The following CUX2 variants were observed in gnomAD, a reference collection of about 807,000 sequenced individuals.
CUX2 encodes cut like homeobox 2.
CUX2 carries 40 observed loss-of-function variants against 144.8 expected under a neutral mutation model. The ratio of observed to expected loss-of-function variants is 0.28; its 90% CI spans 0.21 to 0.36. The LOEUF is 0.36. Ranked by LOEUF, CUX2 falls within the 10% of genes least tolerant of loss-of-function variation. The pLI is 1.00. For missense variants in CUX2, 1,615 were observed against 1,994.0 expected (o/e 0.81, Z 3.62); for synonymous variants, 827 against 875.6 (o/e 0.94, Z 0.98).
At position 111,322,155 on chromosome 12, in the gene CUX2, T is replaced by C. The variant is rs778429466; in HGVS notation, c.2767-266T>C. Among the ~76,000 whole-genome samples, 16 of 151,644 alleles carry C rather than the reference T, an allele frequency of 1.1e-4. No homozygotes were observed. Among genetic ancestry groups the C allele is most frequent in the Non-Finnish European group, 2.2e-4 (15 of 67,874 alleles). The stretch of plus-strand genomic sequence containing the variant: ...CAATGTGGCAAAACCCCATCTCTAC[T>C]AAAAATACAAAAATTAGCCAGACGT... On this transcript the variant is annotated intron_variant, in intron 17 of 21. Transcript: ENST00000261726. The surrounding 1 kb of genome is among the most constrained non-coding windows in gnomAD (Gnocchi z 4.2).
chr12:111,340,848 T>C (rs1348252716), intron 20 of CUX2, among the ~76,000 whole-genome samples: 1 of 152,306 alleles, frequency 6.6e-6, no homozygotes, highest in East Asian at 1.9e-4. Context: ...CTTCCTTTGT[T>C]CTCCTCTGCC....
intron 4 of CUX2, among the ~76,000 whole-genome samples, chr12:111,280,589 G>A (rs186216611): frequency 6.6e-6 from 1 of 152,288 alleles, no homozygotes; most frequent in African/African-American, 2.4e-5. Flanking sequence ...GAATCCAGAA[G>A]CCCCACATCA....
chr12:111,238,695 T>G (rs776500029), intron 3 of CUX2, among the ~76,000 whole-genome samples: 19 of 151,604 alleles, frequency 1.3e-4, no homozygotes, highest in Non-Finnish European at 2.4e-4. Flanking sequence ...CTAGTTTTTA[T>G]GTATATATAA....
chr12:111,112,538 G>C (rs1012366410), intron 1 of CUX2, among the ~76,000 whole-genome samples: 8 of 152,064 alleles, frequency 5.3e-5, no homozygotes, highest in Non-Finnish European at 1.0e-4. Flanking sequence ...GGAAGGAATT[G>C]CTTCATCATG....
chr12:111,228,350 G>T (rs1048680348), intron 3 of CUX2, among the ~76,000 whole-genome samples: 2 of 152,090 alleles, frequency 1.3e-5, no homozygotes, highest in African/African-American at 4.8e-5. Context: ...AACCATGCAA[G>T]TCCCCCTGCA....
intron 4 of CUX2, among the ~76,000 whole-genome samples, chr12:111,267,490 G>A (rs957803326): frequency 1.3e-5 from 2 of 152,156 alleles, no homozygotes; most frequent in Non-Finnish European, 2.9e-5. Flanking sequence ...GATGTGACTC[G>A]GGTCTCATCA....
chr12:111,142,864 A>T (rs1876419213), intron 1 of CUX2, among the ~76,000 whole-genome samples: 1 of 152,150 alleles, frequency 6.6e-6, no homozygotes, highest in Non-Finnish European at 1.5e-5. Context: ...GGGGAGGCAG[A>T]GAGAGCCCAG....
At position 111,263,747 on chromosome 12, in the gene CUX2, T is replaced by G. The variant is rs754779540; in HGVS notation, c.223-14T>G. 1 of 1,609,984 alleles carries G rather than the reference T, an allele frequency of 6.2e-7. No individual in the cohort carries two copies. The highest frequency in any genetic ancestry group is 8.5e-7 in the Non-Finnish European group (1 of 1,176,318). ...CATGGTTACACGTGACTCTTTCTCT[T>G]GTTGTCTCCAAAGGTGGTGGCCCTT... On this transcript the variant is annotated splice_polypyrimidine_tract_variant and intron_variant, in intron 3 of 21. Transcript: ENST00000261726. This position sits in a 1 kb window ranked among gnomAD's most constrained non-coding sequence, Gnocchi z 4.0.
At chr12:111,343,769 A>T (rs909223522) in intron 21 of CUX2, among the ~76,000 whole-genome samples, 2 of 152,326 alleles carry the variant, frequency 1.3e-5, no homozygotes. Context: ...ACATTATAAA[A>T]TATGGTTTTG....
intron 16 of CUX2, among the ~76,000 whole-genome samples, chr12:111,318,687 AT>A (rs201895477): frequency 1.3e-5 from 2 of 149,450 alleles, no homozygotes; most frequent in Non-Finnish European, 3.0e-5. Context: ...TCATCCCACT[AT>A]TTTTTTTTCT....
At chr12:111,179,513 A>ATGGTGG (rs903831500) in intron 1 of CUX2, among the ~76,000 whole-genome samples, 6 of 152,140 alleles carry the variant, frequency 3.9e-5, no homozygotes, top group Non-Finnish European at 5.9e-5. Context: ...ATCCTACTTC[A>ATGGTGG]TGGTGGTGTT....
At chr12:111,074,431 T>G (rs1871409218) in intron 1 of CUX2, among the ~76,000 whole-genome samples, 2 of 152,172 alleles carry the variant, frequency 1.3e-5, no homozygotes, top group South Asian at 4.1e-4. Flanking sequence ...AAGTGGAAGA[T>G]GGGGCAGGGA....
rs182385233 is a variant in CUX2, at chr12:111,057,252, C to G, written c.63+23012C>G. 6.6e-5 allele frequency among the ~76,000 whole-genome samples: 10 copies of G among 151,926 alleles called. No individual in the cohort carries two copies. The East Asian group carries it at 1.9e-3, about 30-fold the overall frequency. On this transcript the variant is annotated intron_variant, in intron 1 of 21. Transcript: ENST00000261726. The surrounding 1 kb of genome is among the most constrained non-coding windows in gnomAD (Gnocchi z 5.1). ...GTGACAAGAAATTGTGTGGGGGAGT[C>G]AGTATGACAGGAAGTTACCAAGCTG...
intron 19 of CUX2, 112 bp from the exon 20 acceptor site, chr12:111,338,174 G>A (rs1297542626): frequency 8.6e-6 from 10 of 1,158,770 alleles, no homozygotes; most frequent in Non-Finnish European, 8.4e-6. Flanking sequence ...GGAGTCAGTG[G>A]AGATAGCCTC....
chr12:111,104,123 G>A (rs1225382525), intron 1 of CUX2, among the ~76,000 whole-genome samples: 1 of 152,134 alleles, frequency 6.6e-6, no homozygotes, highest in Non-Finnish European at 1.5e-5. Context: ...TGTCTTTATT[G>A]TTGTCTGCAT....
intron 1 of CUX2, among the ~76,000 whole-genome samples, chr12:111,195,140 G>C (rs898998403): frequency 4.6e-5 from 7 of 152,150 alleles, no homozygotes; most frequent in African/African-American, 1.7e-4. Context: ...ATTCAGACAA[G>C]GCCTTTTCTG....
At chr12:111,261,282 G>A (rs932977031) in intron 3 of CUX2, among the ~76,000 whole-genome samples, 2 of 152,166 alleles carry the variant, frequency 1.3e-5, no homozygotes, top group African/African-American at 4.8e-5. Flanking sequence ...GGTGATTGAT[G>A]TGTCCGTGGA....
chr12:111,093,895 G>A (rs558939621), intron 1 of CUX2, among the ~76,000 whole-genome samples: 133 of 152,286 alleles, frequency 8.7e-4, no homozygotes, highest in Non-Finnish European at 1.6e-3. Flanking sequence ...GCCTTTGTGC[G>A]GATCTCAAGC....
chr12:111,176,267 G>C (rs1194857665), intron 1 of CUX2, among the ~76,000 whole-genome samples: 2 of 151,418 alleles, frequency 1.3e-5, no homozygotes, highest in Non-Finnish European at 2.9e-5. Flanking sequence ...GGCTGGTCTT[G>C]AACTCCTGGC....
Sources: gnomAD v4.1 joint callset for allele counts (sites outside exome capture counted in the v4.1 genomes callset) on GRCh38, gnomAD v4.1.1 for gene constraint, Gnocchi (gnomAD v3.1) non-coding constraint, MANE v1.5 for transcripts, NCBI Gene and HGNC (gene_info 2026-07-23, HGNC 2026-07-21) for gene names.